Variants in GNG2 observed in about 807,000 individuals in gnomAD.
GNG2 encodes G protein subunit gamma 2, also known as guanine nucleotide-binding protein G(I)/G(S)/G(O) subunit gamma-2.
GNG2 carries 5 observed loss-of-function variants against 5.5 expected under a neutral mutation model. The ratio of observed to expected loss-of-function variants is 0.91; its 90% CI spans 0.48 to 1.92. GNG2 has a LOEUF of 1.92. Among genes scored for constraint, GNG2 ranks in the 30% most tolerant of loss-of-function variants. The pLI is 0.01. For synonymous variants in GNG2, 28 were observed against 32.0 expected (o/e 0.88, Z 0.42); for missense variants, 55 against 88.4 (o/e 0.62, Z 1.52).
rs148892245 is a variant in GNG2, at chr14:51,962,023, T to C, written c.88-4536T>C. Among the ~76,000 whole-genome samples, 20 of 152,194 alleles carry C rather than the reference T, an allele frequency of 1.3e-4. 1 individual carries two copies. Among genetic ancestry groups the C allele is most frequent in the African/African-American group, 4.8e-4 (20 of 41,448 alleles). The stretch of plus-strand genomic sequence containing the variant: ...CAGTATGGAGAATACTACTCCTGCA[T>C]AGTTATGAACACAGGAAATCATTTA... On this transcript the variant is annotated intron_variant, in intron 3 of 3. Transcript: ENST00000556766.
rs61740049 is a variant in GNG2, at chr14:51,966,621, C to A, written c.150C>A (p.Leu50=). 6.2e-7 allele frequency: 1 copy of A among 1,613,184 alleles called. No homozygotes were observed. The highest frequency in any genetic ancestry group is 8.5e-7 in the Non-Finnish European group (1 of 1,179,248). ...AAGCACATGCCAAGGAAGACCCCCT[C>A]CTGACCCCTGTTCCGGCTTCAGAAA... is the stretch of plus-strand genomic sequence containing the variant. The part of the protein sequence containing the change: ...YCEAHAKEDP[L]LTPVPASENP... Residue 50 remains leucine, a synonymous_variant, in exon 4 of 4, where the codon CTC becomes CTA. Coordinates refer to ENST00000556766, the MANE Select transcript of GNG2 (RefSeq NM_053064.5).
At chr14:51,943,030 C>G (rs527887244) in intron 2 of GNG2, among the ~76,000 whole-genome samples, 4 of 152,216 alleles carry the variant, frequency 2.6e-5, no homozygotes, top group African/African-American at 9.6e-5. Flanking sequence ...AGAACCTACC[C>G]TGACTCCATT....
chr14:51,895,756 C>G (rs963717409), intron 2 of GNG2, among the ~76,000 whole-genome samples: 18 of 152,304 alleles, frequency 1.2e-4, no homozygotes, highest in African/African-American at 3.1e-4. Flanking sequence ...TCCCATAATT[C>G]CCACATGTTG....
At chr14:51,904,334 C>T (rs1235216470) in intron 2 of GNG2, among the ~76,000 whole-genome samples, 1 of 152,134 alleles carries the variant, frequency 6.6e-6, no homozygotes, top group Non-Finnish European at 1.5e-5. Context: ...ACCGTAGCTG[C>T]AAGGGAGCCT....
At chr14:51,928,748 G>A (rs552249606) in intron 2 of GNG2, among the ~76,000 whole-genome samples, 5 of 152,218 alleles carry the variant, frequency 3.3e-5, no homozygotes, top group African/African-American at 7.2e-5. Context: ...GGGTACATAC[G>A]GCTTATATTT....
intron 2 of GNG2, among the ~76,000 whole-genome samples, chr14:51,946,704 T>C (rs1208990366): frequency 6.6e-6 from 1 of 152,164 alleles, no homozygotes; most frequent in Admixed American, 6.5e-5. Context: ...TCTGGTGTCC[T>C]TCTTTTGCTC....
chr14:51,967,665 A>G lies in GNG2; in HGVS notation c.*978A>G, dbSNP rs1222276844. On this transcript the variant is annotated 3_prime_UTR_variant, in exon 4 of 4. Coordinates refer to ENST00000556766, the MANE Select transcript of GNG2 (RefSeq NM_053064.5). ...CTCTTCAATACGTTTTCCAGAATCC[A>G]AAGCATTTTGGTTTATCCAGGACCC... The G allele has an allele frequency of 6.6e-6, 1 of 152,100 alleles. No individual in the cohort carries two copies. Among genetic ancestry groups the G allele is most frequent in the Non-Finnish European group, 1.5e-5 (1 of 68,042 alleles). The allele number at this position is 152,100 out of a possible 1,614,324, so 9.4% of individuals were successfully genotyped here. A position where few individuals can be genotyped will look rare whatever the true frequency, so the allele number is the denominator to read the frequency against.
At chr14:51,873,856 T>TA (rs1489289800) in intron 1 of GNG2, 1 of 152,260 alleles carries the variant, frequency 6.6e-6, no homozygotes, top group Non-Finnish European at 1.5e-5. Flanking sequence ...GTAAGCAAGA[T>TA]ATCTTTTCTC....
In GNG2 at chr14:51,888,860, T is replaced by C. The variant is rs115075327; in HGVS notation, c.-30+11203T>C. On this transcript the variant is annotated intron_variant, in intron 2 of 3. Transcript: ENST00000556766. The stretch of plus-strand genomic sequence containing the variant: ...GAGGAAACAACATAAATGTGGTGTA[T>C]CTATACAATGGATTATTCAGCCATG... 5.1e-3 allele frequency among the ~76,000 whole-genome samples: 774 copies of C among 152,294 alleles called. 5 individuals are homozygous for C. Among genetic ancestry groups the C allele is most frequent in the African/African-American group, 0.018 (731 of 41,558 alleles).
At chr14:51,938,223 G>A (rs1024257501) in intron 2 of GNG2, among the ~76,000 whole-genome samples, 14 of 152,224 alleles carry the variant, frequency 9.2e-5, no homozygotes, top group Admixed American at 3.3e-4. Flanking sequence ...AATTTCCCCC[G>A]CTTAGGATTG....
At chr14:51,941,978 A>G (rs1401158978) in intron 2 of GNG2, among the ~76,000 whole-genome samples, 1 of 152,246 alleles carries the variant, frequency 6.6e-6, no homozygotes, top group South Asian at 2.1e-4. Flanking sequence ...CACAATTCCT[A>G]TAATTGTTCC....
intron 1 of GNG2, among the ~76,000 whole-genome samples, chr14:51,864,437 A>G (rs1311729467): frequency 6.6e-6 from 1 of 152,240 alleles, no homozygotes; most frequent in Non-Finnish European, 1.5e-5. Context: ...ATCTTTTAAC[A>G]TAATGTGTCA....
At chr14:51,881,444 T>C (rs747036399) in intron 2 of GNG2, among the ~76,000 whole-genome samples, 1 of 152,156 alleles carries the variant, frequency 6.6e-6, no homozygotes, top group African/African-American at 2.4e-5. Context: ...AGTTGCTACA[T>C]CTGGGTAAAG....
At chr14:51,840,225 C>G (rs1435283592) in intron 2 of GNG2, among the ~76,000 whole-genome samples, 1 of 152,204 alleles carries the variant, frequency 6.6e-6, no homozygotes, top group Non-Finnish European at 1.5e-5. Flanking sequence ...GAGCATGACA[C>G]TTTGTCTTCT....
intron 2 of GNG2, among the ~76,000 whole-genome samples, chr14:51,906,346 C>CT (rs1192873776): frequency 6.6e-6 from 1 of 152,142 alleles, no homozygotes; most frequent in Admixed American, 6.5e-5. Context: ...AGCCTATTCT[C>CT]TTTTTTTGTT....
At chr14:51,934,776 C>T (rs1887873146) in intron 2 of GNG2, among the ~76,000 whole-genome samples, 1 of 152,164 alleles carries the variant, frequency 6.6e-6, no homozygotes, top group Non-Finnish European at 1.5e-5. Flanking sequence ...TTTCCCTTCA[C>T]ATTTTCATCA....
At chr14:51,866,361 T>C (rs1369757756) in intron 1 of GNG2, among the ~76,000 whole-genome samples, 1 of 152,218 alleles carries the variant, frequency 6.6e-6, no homozygotes, top group African/African-American at 2.4e-5. Flanking sequence ...TCCTGTGCAT[T>C]TTCAATGGAA....
chr14:51,915,948 G>T (rs1886593192), intron 2 of GNG2, among the ~76,000 whole-genome samples: 1 of 152,148 alleles, frequency 6.6e-6, no homozygotes, highest in Non-Finnish European at 1.5e-5. Context: ...AGTTAAACCT[G>T]TAATAACTGT....
At chr14:51,911,851 A>T (rs565943499) in intron 2 of GNG2, among the ~76,000 whole-genome samples, 1 of 138,172 alleles carries the variant, frequency 7.2e-6, no homozygotes, top group African/African-American at 3.2e-5. Context: ...GCCCATCCTG[A>T]TAGCCTTTTC....
Sources: allele counts gnomAD v4.1 joint callset (sites outside exome capture counted in the v4.1 genomes callset), GRCh38; gene constraint gnomAD v4.1.1; transcripts MANE v1.5; gene names NCBI Gene and HGNC (gene_info 2026-07-23, HGNC 2026-07-21).